The following NADSYN1 variants were observed in gnomAD, a reference collection of about 807,000 sequenced individuals.
The protein encoded by NADSYN1 is glutamine-dependent NAD(+) synthetase.
A neutral mutation model predicts 99.3 loss-of-function variants in NADSYN1; 80 were observed. That is an observed-to-expected ratio of 0.81 (90% CI 0.67 to 0.97). The LOEUF (loss-of-function observed/expected upper bound fraction) is 0.97, where lower values mean the gene tolerates loss of function less well. Among genes scored for constraint, NADSYN1 ranks in the 50% least tolerant of loss-of-function variants. The probability of loss-of-function intolerance (pLI) is 0.00; values close to 1 mark genes in which losing one functional copy is unlikely to be tolerated. For missense variants in NADSYN1, 859 were observed against 948.5 expected, an observed-to-expected ratio of 0.91 and a Z score of 1.24; for synonymous variants, 385 against 372.1, an observed-to-expected ratio of 1.03 and a Z score of -0.40.
intron 1 of NADSYN1, among the ~76,000 whole-genome samples, chr11:71,454,267 A>T (rs573434520): frequency 1.3e-5 from 2 of 152,332 alleles, no homozygotes; most frequent in African/African-American, 4.8e-5. Flanking sequence ...GCTGGAGTGC[A>T]GTGGTGTCAT....
intron 16 of NADSYN1, among the ~76,000 whole-genome samples, chr11:71,489,304 G>A (rs956653774): frequency 1.3e-4 from 20 of 152,104 alleles, no homozygotes; most frequent in African/African-American, 2.9e-4. Flanking sequence ...TCACCAGTCC[G>A]CCAGTTCAGT....
intron 9 of NADSYN1, chr11:71,477,545 C>A (rs374766593): frequency 3.4e-6 from 3 of 876,992 alleles, no homozygotes; most frequent in Non-Finnish European, 1.5e-6. Context: ...GTCCCACACT[C>A]GTGTTTAGCA....
chr11:71,471,916 A>T (rs1382540414), intron 5 of NADSYN1, among the ~76,000 whole-genome samples: 1 of 152,090 alleles, frequency 6.6e-6, no homozygotes, highest in East Asian at 1.9e-4. Flanking sequence ...CAAATGCGTG[A>T]ACTGTCTGTT....
intron 9 of NADSYN1, chr11:71,476,521 C>A: frequency 2.5e-6 from 1 of 394,416 alleles, no homozygotes; most frequent in Non-Finnish European, 3.5e-6. Context: ...TCACCCTGAA[C>A]AAGAATTCCA....
At chr11:71,490,442 T>A (rs764776029) in intron 16 of NADSYN1, among the ~76,000 whole-genome samples, 1 of 152,146 alleles carries the variant, frequency 6.6e-6, no homozygotes, top group Non-Finnish European at 1.5e-5. Context: ...TAGTGAGAGA[T>A]GGATTCTTCT....
chr11:71,462,498 T>G (rs1395643535), intron 3 of NADSYN1, among the ~76,000 whole-genome samples: 1 of 152,156 alleles, frequency 6.6e-6, no homozygotes, highest in African/African-American at 2.4e-5. Flanking sequence ...GAGTGACGTC[T>G]TCTGTCTCCC....
chr11:71,474,824 G>C (rs1949654126), intron 9 of NADSYN1: 1 of 400,362 alleles, frequency 2.5e-6, no homozygotes, highest in African/African-American at 2.1e-5. Flanking sequence ...TTACCTGGTT[G>C]GTGAGGGGGG....
chr11:71,494,515 C>T (rs1268458500), intron 18 of NADSYN1, among the ~76,000 whole-genome samples: 1 of 149,786 alleles, frequency 6.7e-6, no homozygotes, highest in Non-Finnish European at 1.5e-5. Flanking sequence ...GCGCGCCTGT[C>T]TTTCTTGATG....
chr11:71,458,244 T>C (rs918368808), intron 2 of NADSYN1, among the ~76,000 whole-genome samples, 184 bp from the exon 3 acceptor site: 1 of 152,228 alleles, frequency 6.6e-6, no homozygotes, highest in African/African-American at 2.4e-5. Context: ...TCGCTTTCAG[T>C]ACGGCACATC....
At chr11:71,456,557 G>C (rs1320870373) in intron 2 of NADSYN1, among the ~76,000 whole-genome samples, 1 of 152,194 alleles carries the variant, frequency 6.6e-6, no homozygotes, top group East Asian at 1.9e-4. Flanking sequence ...TGACAGCCCA[G>C]TCCCCCTGGC....
chr11:71,474,223 C>T (rs1472709823), intron 8 of NADSYN1, among the ~76,000 whole-genome samples, 172 bp from the exon 9 acceptor site: 3 of 151,788 alleles, frequency 2.0e-5, no homozygotes, highest in South Asian at 2.1e-4. Flanking sequence ...AGGCGGGGCT[C>T]GCCGCAGCTT....
intron 16 of NADSYN1, among the ~76,000 whole-genome samples, 157 bp from the exon 17 acceptor site, chr11:71,490,688 G>T (rs1949772584): frequency 1.3e-5 from 2 of 152,326 alleles, no homozygotes; most frequent in African/African-American, 4.8e-5. Context: ...TGCAGCCTCT[G>T]CCACCTTTGC....
intron 20 of NADSYN1, among the ~76,000 whole-genome samples, chr11:71,500,887 G>T (rs1013690087): frequency 1.3e-5 from 2 of 152,184 alleles, no homozygotes; most frequent in African/African-American, 4.8e-5. Flanking sequence ...CAAGCCTCGG[G>T]TGATGGGCCC....
intron 18 of NADSYN1, among the ~76,000 whole-genome samples, chr11:71,495,968 G>C (rs1949815993): frequency 6.6e-6 from 1 of 152,206 alleles, no homozygotes; most frequent in Non-Finnish European, 1.5e-5. Context: ...TGAAGCATTT[G>C]TTGCCTGGCG....
intron 14 of NADSYN1, among the ~76,000 whole-genome samples, chr11:71,483,987 G>T (rs113215131): frequency 7.7e-4 from 117 of 152,256 alleles, no homozygotes; most frequent in African/African-American, 2.6e-3. Flanking sequence ...CCATTTCCAC[G>T]CAATGTCCAG....
chr11:71,491,360 G>A (rs1016037125), intron 17 of NADSYN1, among the ~76,000 whole-genome samples: 4 of 152,246 alleles, frequency 2.6e-5, no homozygotes, highest in African/African-American at 7.2e-5. Flanking sequence ...TCCCTGCCAC[G>A]GGAATGTGTT....
Position 71,473,549 on chromosome 11 carries a change from TC to T in NADSYN1, c.549-19del. The T allele has an allele frequency of 6.2e-7, 1 of 1,601,520 alleles. No individual in the cohort carries two copies. Among genetic ancestry groups the T allele is most frequent in the Non-Finnish European group, 8.5e-7 (1 of 1,171,158 alleles). On this transcript the variant is annotated intron_variant, in intron 7 of 20. Transcript: ENST00000319023. Reference sequence around the variant, plus strand: ...GGAGGAGTCTGGTGGCCTGTTCTCTTCACCTGCCTCTGCCTGCAGCCCGCAC... The same window carrying T: ...GGAGGAGTCTGGTGGCCTGTTCTCTTACCTGCCTCTGCCTGCAGCCCGCAC...
Position 71,453,429 on chromosome 11 carries a change from C to G in NADSYN1, c.85+48C>G, listed in dbSNP as rs370149137. 4.2e-4 allele frequency: 641 copies of G among 1,520,328 alleles called. 1 individual carries two copies. The highest frequency in any genetic ancestry group is 1.6e-3 in the South Asian group (137 of 87,154). The allele number at this position is 1,520,328 out of a possible 1,614,324, so 94.2% of individuals were successfully genotyped here. A position where few individuals can be genotyped will look rare whatever the true frequency, so the allele number is the denominator to read the frequency against. On this transcript the variant is annotated intron_variant, in intron 1 of 20. Coordinates refer to ENST00000319023, the MANE Select transcript of NADSYN1 (RefSeq NM_018161.5). ...ACCGGTTTGGGGTGGCGCACGGGCA[C>G]CGTGGCTGGGCCCAGGCTTGCCCGT...
rs1949719733 is a variant in NADSYN1 at position 71,483,024 on chromosome 11, T to A, written c.1319+7T>A. The A allele has an allele frequency of 6.2e-7, 1 of 1,611,338 alleles. No homozygotes were observed. The highest frequency in any genetic ancestry group is 8.5e-7 in the Non-Finnish European group (1 of 1,179,418). On this transcript the variant is annotated splice_region_variant and intron_variant, in intron 14 of 20. Transcript: ENST00000319023. Reference sequence around the variant, plus strand: ...TGGCCCAGCAGATTGGAAGGTAGAGTTGGTCCCTGGTATTGGGCATGGCAG... The same window carrying A: ...TGGCCCAGCAGATTGGAAGGTAGAGATGGTCCCTGGTATTGGGCATGGCAG...
Sources: allele counts gnomAD v4.1 joint callset (sites outside exome capture counted in the v4.1 genomes callset), GRCh38; gene constraint gnomAD v4.1.1; transcripts MANE v1.5; gene names NCBI Gene and HGNC (gene_info 2026-07-23, HGNC 2026-07-21).